The following BRF1 variants were observed in gnomAD, a reference collection of about 807,000 sequenced individuals.
BRF1 encodes transcription factor IIIB 90 kDa subunit.
A neutral mutation model predicts 81.7 loss-of-function variants in BRF1; 59 were observed. The ratio of observed to expected loss-of-function variants is 0.72; its 90% CI spans 0.59 to 0.90. BRF1 has a LOEUF of 0.90. Ranked by LOEUF, BRF1 falls within the 40% of genes least tolerant of loss-of-function variation. The probability of loss-of-function intolerance (pLI) is 0.00; values close to 1 mark genes in which losing one functional copy is unlikely to be tolerated. For missense variants in BRF1, 1,050 were observed against 936.3 expected (o/e 1.12, Z -1.58); for synonymous variants, 491 against 395.6 (o/e 1.24, Z -2.86).
intron 5 of BRF1, among the ~76,000 whole-genome samples, chr14:105,251,764 C>G (rs1277841102): frequency 6.6e-6 from 1 of 151,980 alleles, no homozygotes; most frequent in East Asian, 1.9e-4. Flanking sequence ...AACCAGTCAT[C>G]TGCTTGGTAA....
intron 6 of BRF1, among the ~76,000 whole-genome samples, 190 bp from the exon 7 acceptor site, chr14:105,229,103 G>C (rs1399129679): frequency 2.6e-5 from 4 of 152,234 alleles, no homozygotes; most frequent in Non-Finnish European, 5.9e-5. Flanking sequence ...ATCTTATTGT[G>C]GGTGGCGGCT....
At chr14:105,248,790 C>T (rs2055345029) in intron 5 of BRF1, 9 of 982,596 alleles carry the variant, frequency 9.2e-6, no homozygotes, top group South Asian at 4.7e-5. Flanking sequence ...AGAGCCGCTC[C>T]CGAGGCCCCG....
At chr14:105,258,986 T>C (rs2056025022) in intron 3 of BRF1, among the ~76,000 whole-genome samples, 1 of 152,184 alleles carries the variant, frequency 6.6e-6, no homozygotes. Flanking sequence ...GCGACGTCAC[T>C]GAATGCCGGC....
intron 5 of BRF1, chr14:105,247,795 G>A (rs780509626): frequency 2.0e-4 from 199 of 985,450 alleles, no homozygotes; most frequent in Non-Finnish European, 2.3e-4. Flanking sequence ...CTGCACGCGA[G>A]CTTGGCATGC....
chr14:105,219,948 C>A, intron 12 of BRF1, 121 bp downstream of exon 12: 1 of 1,067,148 alleles, frequency 9.4e-7, no homozygotes, highest in Non-Finnish European at 1.4e-6. Context: ...GAGCCCACTT[C>A]ACCCAGCGGG....
At chr14:105,255,652 A>G (rs1210580328) in intron 4 of BRF1, among the ~76,000 whole-genome samples, 2 of 152,244 alleles carry the variant, frequency 1.3e-5, no homozygotes, top group African/African-American at 4.8e-5. Flanking sequence ...CCGTCCCTGC[A>G]GAGCCTCGGT....
At chr14:105,288,678 G>A (rs2057406661) in intron 1 of BRF1, among the ~76,000 whole-genome samples, 1 of 145,376 alleles carries the variant, frequency 6.9e-6, no homozygotes, top group South Asian at 2.3e-4. Context: ...CTGTCACCCA[G>A]GCTGGAGTGC....
chr14:105,223,596 A>T (rs1288477893), intron 10 of BRF1, among the ~76,000 whole-genome samples: 2 of 152,254 alleles, frequency 1.3e-5, no homozygotes, highest in Non-Finnish European at 2.9e-5. Context: ...TACAGAATAC[A>T]ACTAATTTAT....
At chr14:105,266,703 C>T (rs1173256478) in intron 3 of BRF1, among the ~76,000 whole-genome samples, 3 of 152,024 alleles carry the variant, frequency 2.0e-5, no homozygotes, top group Admixed American at 6.6e-5. Context: ...GCTGAGTCCT[C>T]GGCATACAAA....
At chr14:105,215,772 CACACT>C (rs1891088451) in intron 15 of BRF1, among the ~76,000 whole-genome samples, 4 of 139,714 alleles carry the variant, frequency 2.9e-5, no homozygotes, top group African/African-American at 1.1e-4. Context: ...CACATGCACA[CACACT>C]GCACACACAC....
In BRF1 at chr14:105,228,986, A is replaced by G. The variant is rs1234810276; in HGVS notation, c.695-73T>C. 5 of 1,356,998 alleles carry G rather than the reference A, an allele frequency of 3.7e-6. No individual in the cohort carries two copies. In the Admixed American group the frequency reaches 5.0e-5, roughly 14 times the overall value. The allele number at this position is 1,356,998 out of a possible 1,614,324, so 84.1% of individuals were successfully genotyped here. The stretch of plus-strand genomic sequence containing the variant: ...GCAACATCTGTGGCGGCCCAGGACA[A>G]CACTGCGGATCCCGGTCACGGAGAT... On this transcript the variant is annotated intron_variant, in intron 6 of 17. Coordinates refer to ENST00000547530, the MANE Select transcript of BRF1 (RefSeq NM_001519.4).
In BRF1 at chr14:105,216,571, G is replaced by C. The variant is rs1276443337; in HGVS notation, c.1772+973C>G. Among the ~76,000 whole-genome samples, 4 of 152,194 alleles carry C rather than the reference G, an allele frequency of 2.6e-5. No individual in the cohort carries two copies. In the East Asian group the frequency reaches 7.7e-4, roughly 29 times the overall value. On this transcript the variant is annotated intron_variant, in intron 15 of 17. Transcript: ENST00000547530. The stretch of plus-strand genomic sequence containing the variant: ...CCAGGAGGTCAGGCTCCCTCACAGA[G>C]TAGCACCTGGGCACCCCAGGGGAGG...
chr14:105,216,657 T>G (rs1247054325), intron 15 of BRF1, among the ~76,000 whole-genome samples: 1 of 151,972 alleles, frequency 6.6e-6, no homozygotes, highest in African/African-American at 2.4e-5. Flanking sequence ...GCCTAGCAGC[T>G]CAAAAGGCCA....
chr14:105,252,574 A>C lies in BRF1; in HGVS notation c.477T>G (p.Asn159Lys). 1 of 1,613,388 alleles carries C rather than the reference A, an allele frequency of 6.2e-7. No individual in the cohort carries two copies. Among genetic ancestry groups the C allele is most frequent in the Non-Finnish European group, 8.5e-7 (1 of 1,179,834 alleles). Residue 159 changes from asparagine to lysine, a missense_variant, in exon 5 of 18, where the codon AAT becomes AAG. By Grantham distance (94) the Asn-to-Lys change is moderately conservative. Around this residue, in one of 2 missense-constraint regions of BRF1, gnomAD observed 1,043 missense variants for 915.4 expected, o/e 1.14. Coordinates refer to ENST00000547530, the MANE Select transcript of BRF1 (RefSeq NM_001519.4). ...LLDLSDLLQVNVYVLGKTFLL... is the reference protein window; with the variant it reads ...LLDLSDLLQVKVYVLGKTFLL... ...GAAACGTCTTTCCAAGCACGTACAC[A>C]TTCACCTGAGATGGAGAGATCACAA...
At chr14:105,261,512 G>T (rs753182306) in intron 3 of BRF1, among the ~76,000 whole-genome samples, 1 of 152,230 alleles carries the variant, frequency 6.6e-6, no homozygotes, top group Non-Finnish European at 1.5e-5. Context: ...CTGGCTGCAC[G>T]ATGCTTGCAG....
intron 15 of BRF1, among the ~76,000 whole-genome samples, chr14:105,214,502 TGGCTCAGCTGCCCACACCCCTGC>T (rs1890731423): frequency 7.7e-6 from 1 of 129,684 alleles, no homozygotes; most frequent in Non-Finnish European, 1.6e-5. Flanking sequence ...CACCCCTGCA[TGGCTCAGCTGCCCACACCCCTGC>T]GTGGCTCAGC....
chr14:105,258,488 CA>C (rs371399124), intron 3 of BRF1, among the ~76,000 whole-genome samples: 157 of 126,122 alleles, frequency 1.2e-3, no homozygotes, highest in Middle Eastern at 5.2e-3. Context: ...GACTCCGTCT[CA>C]AAAAAAAAAA....
At chr14:105,301,692 C>A (rs1248355223), upstream of BRF1, among the ~76,000 whole-genome samples, 6 of 152,262 alleles carry the variant, frequency 3.9e-5, no homozygotes, top group Non-Finnish European at 7.3e-5. Flanking sequence ...CACTTTCTAG[C>A]AGTCATTCGT....
In BRF1 at chr14:105,315,078, G is replaced by A; in HGVS notation, c.-162+244C>T. The A allele has an allele frequency of 1.8e-6, 2 of 1,092,118 alleles. No individual in the cohort carries two copies. Among genetic ancestry groups the A allele is most frequent in the Admixed American group, 4.8e-5 (1 of 20,672 alleles). 67.7% of individuals were successfully genotyped at this position (1,092,118 alleles called of 1,614,324 possible). A position where few individuals can be genotyped will look rare whatever the true frequency, so the allele number is the denominator to read the frequency against. On this transcript the variant is annotated intron_variant, in intron 1 of 17. Coordinates refer to the BRF1 transcript ENST00000327359. The surrounding 1 kb of genome is among the most constrained non-coding windows in gnomAD (Gnocchi z 4.4). The stretch of plus-strand genomic sequence containing the variant: ...CGCGCTTTGTTCCCGCCGGGCACCT[G>A]CTGGGGGTGTCCTGGCCGCGGCCTC...
Sources: gnomAD v4.1 joint callset for allele counts (sites outside exome capture counted in the v4.1 genomes callset) on GRCh38, gnomAD v4.1.1 for gene constraint, gnomAD v4.1.1 regional missense constraint, Gnocchi (gnomAD v3.1) non-coding constraint, MANE v1.5 for transcripts, NCBI Gene and HGNC (gene_info 2026-07-23, HGNC 2026-07-21) for gene names.